Variants in RALYL observed in about 807,000 individuals in gnomAD.
The protein encoded by RALYL is RNA-binding Raly-like protein.
RALYL carries 29 observed loss-of-function variants against 35.1 expected under a neutral mutation model. The ratio of observed to expected loss-of-function variants is 0.83; its 90% CI spans 0.61 to 1.13. RALYL has a LOEUF of 1.13. Ranked by LOEUF, RALYL falls within the 50% of genes most tolerant of loss-of-function variation. RALYL has a pLI of 0.00. For synonymous variants in RALYL, 120 were observed against 127.6 expected, an observed-to-expected ratio of 0.94 and a Z score of 0.40; for missense variants, 359 against 360.4, an observed-to-expected ratio of 1.00 and a Z score of 0.03.
At chr8:84,834,656 GC>G (rs894609582) in intron 4 of RALYL, among the ~76,000 whole-genome samples, 7 of 152,012 alleles carry the variant, frequency 4.6e-5, no homozygotes, top group Non-Finnish European at 1.0e-4. Flanking sequence ...CTATTACAAA[GC>G]AAGCTCAAAA....
chr8:84,392,076 G>A (rs1358584841), intron 1 of RALYL, among the ~76,000 whole-genome samples: 2 of 152,066 alleles, frequency 1.3e-5, no homozygotes, highest in African/African-American at 4.8e-5. Flanking sequence ...AAAGTGCCAA[G>A]TTGTAGCAAA....
intron 2 of RALYL, among the ~76,000 whole-genome samples, chr8:84,630,991 G>T (rs1376935443): frequency 6.6e-6 from 1 of 151,954 alleles, no homozygotes; most frequent in Non-Finnish European, 1.5e-5. Context: ...CAACAGACAG[G>T]TGAACCTGAC....
chr8:84,744,054 C>T (rs758190943), intron 2 of RALYL, among the ~76,000 whole-genome samples: 51 of 151,914 alleles, frequency 3.4e-4, no homozygotes, highest in Non-Finnish European at 1.5e-5. Flanking sequence ...CACTTAATAC[C>T]TCTGAACTGT....
At chr8:84,386,479 T>C (rs1295495306) in intron 1 of RALYL, among the ~76,000 whole-genome samples, 2 of 151,844 alleles carry the variant, frequency 1.3e-5, no homozygotes, top group Non-Finnish European at 2.9e-5. Context: ...TTTGAGCTCA[T>C]AATAGAAGAC....
chr8:84,620,746 T>C (rs1264690988), intron 2 of RALYL, among the ~76,000 whole-genome samples: 2 of 151,316 alleles, frequency 1.3e-5, no homozygotes, highest in Non-Finnish European at 3.0e-5. Context: ...TGGTCTTTGA[T>C]GATGGTGATG....
At chr8:84,913,021 T>TAGGTAGGTA (rs1186674467) in intron 8 of RALYL, among the ~76,000 whole-genome samples, 3 of 137,452 alleles carry the variant, frequency 2.2e-5, no homozygotes, top group African/African-American at 2.9e-5. Flanking sequence ...GATGGATGGA[T>TAGGTAGGTA]GGATGGATGG....
intron 2 of RALYL, among the ~76,000 whole-genome samples, chr8:84,698,465 A>G (rs16913125): frequency 0.074 from 11,319 of 152,158 alleles, 1,026 homozygotes; most frequent in African/African-American, 0.21. Flanking sequence ...AATATGCAAG[A>G]TATCATACAG....
At position 84,660,056 on chromosome 8, in the gene RALYL, C is replaced by T. The variant is rs116895693; in HGVS notation, c.257-114523C>T. ...TTGAAGAATAGTAGAAGTATCTATT[C>T]CACGAATATTTGGTAGGTGGTTACA... On this transcript the variant is annotated intron_variant, in intron 2 of 8. Coordinates refer to ENST00000521268, the MANE Select transcript of RALYL (RefSeq NM_173848.7). Among the ~76,000 whole-genome samples, 568 of 152,142 alleles carry T rather than the reference C, an allele frequency of 3.7e-3. 1 individual carries two copies. Among genetic ancestry groups the T allele is most frequent in the Non-Finnish European group, 5.4e-3 (369 of 67,970 alleles).
chr8:84,632,269 G>C (rs960600599), intron 2 of RALYL, among the ~76,000 whole-genome samples: 1 of 151,910 alleles, frequency 6.6e-6, no homozygotes, highest in Non-Finnish European at 1.5e-5. Context: ...AATGTTTATT[G>C]TTTATAAGCT....
Position 84,403,825 on chromosome 8 carries a change from T to C in RALYL, c.-23-125474T>C, listed in dbSNP as rs185106434. On this transcript the variant is annotated intron_variant, in intron 1 of 8. Coordinates refer to ENST00000521268, the MANE Select transcript of RALYL (RefSeq NM_173848.7). ...TCTTCCTATCCATGAGCATGGAATG[T>C]TTTTTCATTTGTGTCATCTCTTATT... Among the ~76,000 whole-genome samples the C allele has an allele frequency of 1.4e-4, 22 of 152,194 alleles. No individual in the cohort carries two copies. In the East Asian group the frequency reaches 4.3e-3, roughly 29 times the overall value.
Position 84,463,204 on chromosome 8 carries a change from C to T in RALYL, c.-23-66095C>T, listed in dbSNP as rs182581082. On this transcript the variant is annotated intron_variant, in intron 1 of 8. Coordinates refer to ENST00000521268, the MANE Select transcript of RALYL (RefSeq NM_173848.7). ...GGTGTAATTTCACTTGTCTATGCTC[C>T]TCTCATGACACTGTTTACTCAGTTA... 1.5e-3 allele frequency among the ~76,000 whole-genome samples: 234 copies of T among 152,000 alleles called. 1 individual carries two copies. Among genetic ancestry groups the T allele is most frequent in the Middle Eastern group, 0.01 (3 of 294 alleles).
At chr8:84,556,832 C>G (rs1295254660) in intron 2 of RALYL, among the ~76,000 whole-genome samples, 1 of 152,036 alleles carries the variant, frequency 6.6e-6, no homozygotes, top group Non-Finnish European at 1.5e-5. Context: ...TCTAAGACAC[C>G]TAGCACAGAT....
chr8:84,472,510 T>C (rs1337564795), intron 1 of RALYL, among the ~76,000 whole-genome samples: 1 of 152,188 alleles, frequency 6.6e-6, no homozygotes, highest in East Asian at 1.9e-4. Flanking sequence ...GAAATGTACC[T>C]TAGTATCTTT....
chr8:84,654,553 C>T (rs1347455685), intron 2 of RALYL, among the ~76,000 whole-genome samples: 1 of 151,446 alleles, frequency 6.6e-6, no homozygotes, highest in East Asian at 2.0e-4. Context: ...TTTTCTGTAC[C>T]CATTAATCAT....
At chr8:84,876,570 TAA>T (rs57121956) in intron 7 of RALYL, among the ~76,000 whole-genome samples, 69,113 of 151,956 alleles carry the variant, frequency 0.45, 18,620 homozygotes, top group African/African-American at 0.74. Flanking sequence ...GAAGGAAAAG[TAA>T]AAAGACTGGA....
chr8:84,774,455 T>C (rs1185316065), intron 2 of RALYL, 124 bp from the exon 3 acceptor site: 1 of 658,002 alleles, frequency 1.5e-6, no homozygotes, highest in Non-Finnish European at 2.6e-6. Flanking sequence ...ATATGTTGAA[T>C]GAATCAATGG....
chr8:84,227,686 A>G (rs984771360), intron 1 of RALYL, among the ~76,000 whole-genome samples: 2 of 152,076 alleles, frequency 1.3e-5, no homozygotes, highest in African/African-American at 4.8e-5. Flanking sequence ...TTCTTTATCC[A>G]CAATCTCCCC....
intron 2 of RALYL, among the ~76,000 whole-genome samples, chr8:84,659,709 C>T (rs1180712207): frequency 2.0e-5 from 3 of 152,076 alleles, no homozygotes; most frequent in Non-Finnish European, 2.9e-5. Flanking sequence ...TGTGGCTTTA[C>T]CTAGTCACAA....
chr8:84,470,671 T>C (rs577889760), intron 1 of RALYL, among the ~76,000 whole-genome samples: 4 of 152,320 alleles, frequency 2.6e-5, no homozygotes, highest in African/African-American at 9.6e-5. Context: ...GACTTCTAAA[T>C]GGTCTTGTGG....
Sources: allele counts gnomAD v4.1 joint callset (sites outside exome capture counted in the v4.1 genomes callset), GRCh38; gene constraint gnomAD v4.1.1; transcripts MANE v1.5; gene names NCBI Gene and HGNC (gene_info 2026-07-23, HGNC 2026-07-21).